DENND2B: variants seen among roughly 807,000 people sequenced by gnomAD.
The protein encoded by DENND2B is DENN domain containing 2B.
A neutral mutation model predicts 116.0 loss-of-function variants in DENND2B; 32 were observed. That is an observed-to-expected ratio of 0.28 (90% CI 0.21 to 0.37). The LOEUF is 0.37. Among genes scored for constraint, DENND2B ranks in the 10% least tolerant of loss-of-function variants. The probability of loss-of-function intolerance (pLI) is 1.00; values close to 1 mark genes in which losing one functional copy is unlikely to be tolerated. For synonymous variants in DENND2B, 588 were observed against 583.9 expected, an observed-to-expected ratio of 1.01 and a Z score of -0.10; for missense variants, 1,276 against 1,477.7, an observed-to-expected ratio of 0.86 and a Z score of 2.24.
intron 1 of DENND2B, among the ~76,000 whole-genome samples, chr11:8,786,732 C>G (rs1421590896): frequency 1.3e-5 from 2 of 152,152 alleles, no homozygotes; most frequent in Non-Finnish European, 2.9e-5. Flanking sequence ...ATCACTTGAG[C>G]CCAGGAGGTC....
intron 4 of DENND2B, among the ~76,000 whole-genome samples, chr11:8,834,971 C>T (rs1237496915): frequency 6.6e-6 from 1 of 152,178 alleles, no homozygotes; most frequent in Non-Finnish European, 1.5e-5. Context: ...TTTGGCCAGG[C>T]ACGGTGGCTC....
chr11:8,782,600 T>C (rs1287273202), intron 1 of DENND2B, among the ~76,000 whole-genome samples: 1 of 152,138 alleles, frequency 6.6e-6, no homozygotes. Context: ...TTAAAAGATA[T>C]TGTTGGCCGG....
At chr11:8,818,862 C>G (rs1342260545) in intron 4 of DENND2B, among the ~76,000 whole-genome samples, 3 of 152,134 alleles carry the variant, frequency 2.0e-5, no homozygotes, top group Non-Finnish European at 4.4e-5. Context: ...AGAACCTAGA[C>G]CATTTGATGC....
At chr11:8,833,154 A>C (rs2062284184) in intron 4 of DENND2B, among the ~76,000 whole-genome samples, 1 of 152,166 alleles carries the variant, frequency 6.6e-6, no homozygotes, top group South Asian at 2.1e-4. Context: ...TGATTCTCTC[A>C]GTCATGCTTC....
chr11:8,698,242 A>G (rs967140699), intron 16 of DENND2B, among the ~76,000 whole-genome samples: 10 of 150,064 alleles, frequency 6.7e-5, no homozygotes, highest in South Asian at 6.3e-4. Context: ...GGTCTCCCCA[A>G]TTCCTCCATC....
chr11:8,814,257 T>A (rs923394947), upstream of DENND2B, among the ~76,000 whole-genome samples: 4 of 143,932 alleles, frequency 2.8e-5, no homozygotes, highest in African/African-American at 1.0e-4. Flanking sequence ...ATTAGAGCTG[T>A]CTGAATCACC....
intron 1 of DENND2B, among the ~76,000 whole-genome samples, chr11:8,760,022 C>T (rs999993216): frequency 1.5e-4 from 23 of 152,212 alleles, no homozygotes; most frequent in Non-Finnish European, 2.4e-4. Flanking sequence ...AGCAGCAAGG[C>T]CTCCTGCTAA....
intron 1 of DENND2B, among the ~76,000 whole-genome samples, chr11:8,897,290 A>G (rs1016520417): frequency 1.3e-5 from 2 of 152,146 alleles, no homozygotes; most frequent in Non-Finnish European, 2.9e-5. Context: ...CCAGAGGCAC[A>G]TGACAAATTA....
chr11:8,813,266 A>G (rs554205242), upstream of DENND2B, among the ~76,000 whole-genome samples: 1 of 152,320 alleles, frequency 6.6e-6, no homozygotes, highest in East Asian at 1.9e-4. Flanking sequence ...GAATGGCACA[A>G]ATCCTAAATG....
At chr11:8,705,725 G>T (rs2042483650) in intron 13 of DENND2B, among the ~76,000 whole-genome samples, 1 of 152,166 alleles carries the variant, frequency 6.6e-6, no homozygotes, top group East Asian at 1.9e-4. Flanking sequence ...CCAGAAAACT[G>T]GGAGTCAGCC....
At chr11:8,828,384 G>GC in intron 4 of DENND2B, among the ~76,000 whole-genome samples, 1 of 152,160 alleles carries the variant, frequency 6.6e-6, no homozygotes, top group African/African-American at 2.4e-5. Context: ...AAAGCCTCCT[G>GC]CCCCCCAGGA....
At chr11:8,698,166 A>AAAAAAAAAAAAAG (rs1555092981) in intron 16 of DENND2B, among the ~76,000 whole-genome samples, 5 of 129,448 alleles carry the variant, frequency 3.9e-5, no homozygotes, top group Non-Finnish European at 8.1e-5. Flanking sequence ...AAAAAAAAAA[A>AAAAAAAAAAAAAG]GGGGGTAGAG....
chr11:8,794,002 A>T, intron 1 of DENND2B, among the ~76,000 whole-genome samples: 1 of 152,310 alleles, frequency 6.6e-6, no homozygotes. Context: ...TAAATAAATA[A>T]AAAACCCAGT....
At chr11:8,718,576 G>T in intron 4 of DENND2B, 2 of 1,372,218 alleles carry the variant, frequency 1.5e-6, no homozygotes, top group East Asian at 2.7e-5. Context: ...TCCCTCTACC[G>T]CTGATCTCAG....
chr11:8,711,756 A>C (rs2043739581), intron 9 of DENND2B: 1 of 270,730 alleles, frequency 3.7e-6, no homozygotes, highest in African/African-American at 2.2e-5. Flanking sequence ...AATCCCAGCT[A>C]CTTGGGAGGC....
rs1245138523 is a variant in DENND2B, at chr11:8,717,761, A to G, written c.1609T>C (p.Tyr537His). ...HRMWSPQDRK[Y>H]NSPPTQLSLK... ...GTTACCTGTGTGGGCGGGCTGTTGTACTTCCTGTCCTGAGGACTCCACATC... is the reference window on the plus strand; with the variant it reads ...GTTACCTGTGTGGGCGGGCTGTTGTGCTTCCTGTCCTGAGGACTCCACATC... The change falls in exon 5 of 20, where the codon TAC (tyrosine) becomes CAC (histidine). Residue 537 changes from tyrosine (Y) to histidine (H), a missense_variant. Around this residue, in one of 2 missense-constraint regions of DENND2B, gnomAD observed 856 missense variants for 846.6 expected, o/e 1.01. Transcript: ENST00000313726. 4 of 1,575,036 alleles carry G rather than the reference A, an allele frequency of 2.5e-6. No individual in the cohort carries two copies. The highest frequency in any genetic ancestry group is 3.5e-6 in the Non-Finnish European group (4 of 1,155,236).
chr11:8,722,868 C>A (rs1359721030), intron 4 of DENND2B, among the ~76,000 whole-genome samples: 1 of 152,196 alleles, frequency 6.6e-6, no homozygotes, highest in Non-Finnish European at 1.5e-5. Flanking sequence ...CATCCTCCCC[C>A]TCTCTTCTTT....
chr11:8,749,772 A>G (rs911576159), intron 2 of DENND2B, among the ~76,000 whole-genome samples: 1 of 152,232 alleles, frequency 6.6e-6, no homozygotes, highest in South Asian at 2.1e-4. Context: ...AGAGGCCCCA[A>G]AAGCCAAATT....
At chr11:8,801,570 G>A (rs996085910) in intron 1 of DENND2B, among the ~76,000 whole-genome samples, 4 of 151,732 alleles carry the variant, frequency 2.6e-5, no homozygotes, top group African/African-American at 7.3e-5. Context: ...TCAGCTACTC[G>A]GTAGGCTGAG....
Sources: gnomAD v4.1 joint callset for allele counts (sites outside exome capture counted in the v4.1 genomes callset) on GRCh38, gnomAD v4.1.1 for gene constraint, gnomAD v4.1.1 regional missense constraint, MANE v1.5 for transcripts, NCBI Gene and HGNC (gene_info 2026-07-23, HGNC 2026-07-21) for gene names.